BNC2: variants seen among roughly 807,000 people sequenced by gnomAD.
The protein encoded by BNC2 is zinc finger protein basonuclin-2.
In BNC2, 20 loss-of-function variants were observed where a neutral mutation model predicts 76.3. That is an observed-to-expected ratio of 0.26 (90% CI 0.18 to 0.38). The LOEUF (loss-of-function observed/expected upper bound fraction) is 0.38. BNC2 is among the 10% of genes least tolerant of loss of function. BNC2 has a pLI of 1.00. For synonymous variants in BNC2, 582 were observed against 514.8 expected, an observed-to-expected ratio of 1.13 and a Z score of -1.77; for missense variants, 1,382 against 1,399.8, an observed-to-expected ratio of 0.99 and a Z score of 0.20.
chr9:16,705,549 T>C (rs1324152922), intron 3 of BNC2, among the ~76,000 whole-genome samples: 2 of 152,322 alleles, frequency 1.3e-5, no homozygotes, highest in East Asian at 1.9e-4. Context: ...CAACAGGCTC[T>C]TGGGCAGACG....
At chr9:16,735,458 G>A (rs1824640295) in intron 2 of BNC2, among the ~76,000 whole-genome samples, 1 of 151,224 alleles carries the variant, frequency 6.6e-6, no homozygotes, top group Non-Finnish European at 1.5e-5. Context: ...ACATGAACAT[G>A]AAAGTTGCAA....
At chr9:16,854,545 T>G (rs1054686615) in intron 1 of BNC2, among the ~76,000 whole-genome samples, 8 of 152,192 alleles carry the variant, frequency 5.3e-5, no homozygotes, top group Non-Finnish European at 1.2e-4. Flanking sequence ...TTCTAAGTCT[T>G]TTTTTTCTTG....
intron 3 of BNC2, chr9:16,699,259 A>G: frequency 4.3e-6 from 2 of 468,478 alleles, no homozygotes; most frequent in Non-Finnish European, 8.8e-6. Context: ...AGTCCCTTAT[A>G]GAAGCATGCA....
chr9:16,758,379 G>A (rs936568200), intron 1 of BNC2, among the ~76,000 whole-genome samples: 6 of 151,212 alleles, frequency 4.0e-5, no homozygotes, highest in South Asian at 2.1e-4. Flanking sequence ...TCACTCTGTC[G>A]CCCAGGCTGG....
At chr9:16,625,259 C>T (rs1240538189) in intron 3 of BNC2, among the ~76,000 whole-genome samples, 1 of 152,126 alleles carries the variant, frequency 6.6e-6, no homozygotes, top group Non-Finnish European at 1.5e-5. Context: ...CAGACCCGAT[C>T]GGGAAATGAA....
At position 16,655,955 on chromosome 9, in the gene BNC2, G is replaced by A. The variant is rs148512658; in HGVS notation, c.330+71842C>T. On this transcript the variant is annotated intron_variant, in intron 3 of 6. Transcript: ENST00000380672. ...AAGATGGACACGTGTGGACATATTC[G>A]CCACGCATTGTAAGTACTTCAGAAG... Among the ~76,000 whole-genome samples, 42 of 152,236 alleles carry A rather than the reference G, an allele frequency of 2.8e-4. No individual in the cohort carries two copies. The East Asian group carries it at 7.3e-3, about 27-fold the overall frequency.
At chr9:16,476,683 C>G (rs1479617989) in intron 5 of BNC2, among the ~76,000 whole-genome samples, 1 of 152,042 alleles carries the variant, frequency 6.6e-6, no homozygotes, top group East Asian at 1.9e-4. Context: ...TCTAGAACCT[C>G]TCAGCTTTGG....
chr9:16,713,513 G>C (rs1823909732), intron 3 of BNC2, among the ~76,000 whole-genome samples: 1 of 141,304 alleles, frequency 7.1e-6, no homozygotes, highest in Non-Finnish European at 1.5e-5. Flanking sequence ...GCTTAAACTT[G>C]ATATTCTCTT....
chr9:16,719,131 T>C (rs890540719), intron 3 of BNC2, among the ~76,000 whole-genome samples: 4 of 152,164 alleles, frequency 2.6e-5, no homozygotes, highest in African/African-American at 9.7e-5. Context: ...TTGCAGGCAT[T>C]CTCACTCAGG....
intron 1 of BNC2, among the ~76,000 whole-genome samples, chr9:16,741,957 CAAAAAA>C (rs35573018): frequency 4.7e-4 from 37 of 79,404 alleles, no homozygotes; most frequent in Admixed American, 1.2e-3. Context: ...GGCTCCATCT[CAAAAAA>C]AAAAAAAAAA....
intron 1 of BNC2, among the ~76,000 whole-genome samples, chr9:16,778,089 T>C (rs965768701): frequency 6.6e-6 from 1 of 152,190 alleles, no homozygotes; most frequent in Non-Finnish European, 1.5e-5. Context: ...GGCAAATGAA[T>C]TTTATTTTCT....
Position 16,436,965 on chromosome 9 carries a change from G to A in BNC2, c.1229C>T (p.Pro410Leu), listed in dbSNP as rs868283716. The A allele has an allele frequency of 1.2e-6, 2 of 1,613,992 alleles. No individual in the cohort carries two copies. The highest frequency in any genetic ancestry group is 2.7e-5 in the African/African-American group (2 of 74,900). The change falls in exon 6 of 7, where the codon CCA (proline) becomes CTA (leucine). Residue 410 changes from proline (P) to leucine (L), a missense_variant. By Grantham distance (98) the Pro-to-Leu change is moderately conservative. Around this residue, in one of 3 missense-constraint regions of BNC2, gnomAD observed 557 missense variants for 540.9 expected, o/e 1.03. Transcript: ENST00000380672. ...ACVSPIQNSA[P>L]VSDLTKTEHP... ...TTCAGTTTTGGTTAGATCACTGACT[G>A]GGGCAGAATTCTGAATGGGAGAGAC...
At chr9:16,775,397 TA>T (rs34632311) in intron 1 of BNC2, among the ~76,000 whole-genome samples, 3 of 148,196 alleles carry the variant, frequency 2.0e-5, no homozygotes, top group Non-Finnish European at 4.5e-5. Context: ...ATTTCGTTAT[TA>T]AAAAAAAAAA....
intron 5 of BNC2, among the ~76,000 whole-genome samples, chr9:16,480,542 G>A (rs951539898): frequency 2.0e-5 from 3 of 152,278 alleles, no homozygotes; most frequent in African/African-American, 4.8e-5. Context: ...GGCTGCAGGC[G>A]GCGCTTGCGG....
chr9:16,804,995 G>C (rs1482784820), intron 1 of BNC2, among the ~76,000 whole-genome samples: 1 of 152,102 alleles, frequency 6.6e-6, no homozygotes, highest in Non-Finnish European at 1.5e-5. Flanking sequence ...TCGGGAGGTG[G>C]AGGTTGCAGT....
At chr9:16,456,308 A>C (rs1055677705) in intron 5 of BNC2, among the ~76,000 whole-genome samples, 2 of 152,122 alleles carry the variant, frequency 1.3e-5, no homozygotes, top group Non-Finnish European at 2.9e-5. Context: ...ATAAATTCAC[A>C]TGTTCTATTT....
rs183395279 is a variant in BNC2 at position 16,672,214 on chromosome 9, T to C, written c.330+55583A>G. ...CATGTCAAATTGAAAATGTTTAACA[T>C]TGGCCGGACGCGGTGGCTCATGCCT... is the stretch of plus-strand genomic sequence containing the variant. On this transcript the variant is annotated intron_variant, in intron 3 of 6. Coordinates refer to ENST00000380672, the MANE Select transcript of BNC2 (RefSeq NM_017637.6). Among the ~76,000 whole-genome samples the C allele has an allele frequency of 1.4e-4, 22 of 152,288 alleles. 1 individual carries two copies. The East Asian group carries it at 3.7e-3, about 25-fold the overall frequency.
At chr9:16,663,407 C>T (rs1170041973) in intron 3 of BNC2, among the ~76,000 whole-genome samples, 3 of 152,014 alleles carry the variant, frequency 2.0e-5, no homozygotes, top group African/African-American at 7.2e-5. Flanking sequence ...GGATTACAGG[C>T]GTGAGCTACC....
intron 3 of BNC2, among the ~76,000 whole-genome samples, chr9:16,691,504 C>CTTTTTTT (rs71327842): frequency 8.8e-5 from 10 of 113,212 alleles, no homozygotes; most frequent in African/African-American, 3.2e-4. Flanking sequence ...GGTATGGGTT[C>CTTTTTTT]TTTTTTTTTT....
Sources: gnomAD v4.1 joint callset for allele counts (sites outside exome capture counted in the v4.1 genomes callset) on GRCh38, gnomAD v4.1.1 for gene constraint, gnomAD v4.1.1 regional missense constraint, MANE v1.5 for transcripts, NCBI Gene and HGNC (gene_info 2026-07-23, HGNC 2026-07-21) for gene names.